Variants in TPD52L1 observed in about 807,000 individuals in gnomAD.
TPD52L1 encodes tumor protein D53.
A neutral mutation model predicts 28.7 loss-of-function variants in TPD52L1; 18 were observed. The observed-to-expected ratio is 0.63, with a 90% CI of 0.43 to 0.93. The LOEUF is 0.93. Ranked by LOEUF, TPD52L1 falls within the 40% of genes least tolerant of loss-of-function variation. The pLI is 0.00. For missense variants in TPD52L1, 203 were observed against 254.8 expected (o/e 0.80, Z 1.39); for synonymous variants, 75 against 88.8 (o/e 0.84, Z 0.88).
intron 6 of TPD52L1, among the ~76,000 whole-genome samples, chr6:125,259,222 CT>C (rs1346561842): frequency 6.6e-6 from 1 of 152,148 alleles, no homozygotes; most frequent in Non-Finnish European, 1.5e-5. Context: ...ACATGCCCTG[CT>C]TTCAATTTGA....
At chr6:125,243,651 G>A (rs1311701928) in intron 3 of TPD52L1, among the ~76,000 whole-genome samples, 1 of 151,690 alleles carries the variant, frequency 6.6e-6, no homozygotes, top group Non-Finnish European at 1.5e-5. Flanking sequence ...AGTTATGATT[G>A]TTTTTTCCTT....
In TPD52L1 at chr6:125,153,944, C is replaced by T. The variant is rs1338221307; in HGVS notation, c.-8C>T. 5.0e-6 allele frequency: 8 copies of T among 1,606,688 alleles called. 1 individual carries two copies. In the Middle Eastern group the frequency reaches 5.0e-4, roughly 100 times the overall value. On this transcript the variant is annotated 5_prime_UTR_variant, in exon 1 of 7. Transcript: ENST00000534000. Reference sequence around the variant, plus strand: ...GTCCCCGCCGCCCTCAGCTCGAAGTCAGCCACCATGGAGGCGCAGGCACAA... The same window carrying T: ...GTCCCCGCCGCCCTCAGCTCGAAGTTAGCCACCATGGAGGCGCAGGCACAA...
At chr6:125,169,036 A>C (rs1387020573) in intron 1 of TPD52L1, among the ~76,000 whole-genome samples, 4 of 149,018 alleles carry the variant, frequency 2.7e-5, no homozygotes, top group East Asian at 2.0e-4. Context: ...CCTGCTTTCC[A>C]CCTCCCTTTC....
At chr6:125,169,005 C>A (rs944983340) in intron 1 of TPD52L1, among the ~76,000 whole-genome samples, 44 of 151,846 alleles carry the variant, frequency 2.9e-4, no homozygotes, top group African/African-American at 1.0e-3. Flanking sequence ...TTCTTTGTGC[C>A]CTCCCCTTCC....
At chr6:125,211,290 TC>T (rs1794485186) in intron 1 of TPD52L1, among the ~76,000 whole-genome samples, 2 of 150,638 alleles carry the variant, frequency 1.3e-5, no homozygotes, top group Admixed American at 1.3e-4. Context: ...TATCTATCTA[TC>T]TATCTATCTA....
At position 125,263,062 on chromosome 6, in the gene TPD52L1, A is replaced by G; in HGVS notation, c.*100A>G. 7.2e-7 allele frequency: 1 copy of G among 1,394,072 alleles called. No individual in the cohort carries two copies. The highest frequency in any genetic ancestry group is 9.4e-7 in the Non-Finnish European group (1 of 1,060,680). The allele number at this position is 1,394,072 out of a possible 1,614,324, so 86.4% of individuals were successfully genotyped here. A position where few individuals can be genotyped will look rare whatever the true frequency, so the allele number is the denominator to read the frequency against. ...GAAGACCAAAATCCCGCTGGGAAAA[A>G]CCCAGGCCTTGACATTGTTATTCAA... On this transcript the variant is annotated 3_prime_UTR_variant, in exon 7 of 7. Transcript: ENST00000534000.
chr6:125,224,022 T>C (rs1329501540), intron 2 of TPD52L1, among the ~76,000 whole-genome samples: 1 of 152,136 alleles, frequency 6.6e-6, no homozygotes, highest in African/African-American at 2.4e-5. Context: ...ATTGGTCTTA[T>C]TACCAGACAC....
intron 5 of TPD52L1, among the ~76,000 whole-genome samples, chr6:125,255,533 G>A (rs963032525): frequency 2.0e-5 from 3 of 152,136 alleles, no homozygotes; most frequent in Non-Finnish European, 4.4e-5. Flanking sequence ...TTGTTAATCT[G>A]TACAGCCTGA....
intron 2 of TPD52L1, among the ~76,000 whole-genome samples, chr6:125,223,349 G>A (rs1795380781): frequency 6.6e-6 from 1 of 152,112 alleles, no homozygotes; most frequent in African/African-American, 2.4e-5. Context: ...TCTTTTGGTA[G>A]GAAACGTAAA....
At position 125,248,250 on chromosome 6, in the gene TPD52L1, A is replaced by G. The variant is rs375410651; in HGVS notation, c.285-32A>G. ...TGAATTGTTTATGGGAGATCATGAT[A>G]TAAAAACCATGTTGTTCTGTTTTAT... is the stretch of plus-strand genomic sequence containing the variant. On this transcript the variant is annotated intron_variant, in intron 3 of 6. Coordinates refer to ENST00000534000, the MANE Select transcript of TPD52L1 (RefSeq NM_003287.4). 7.1e-6 allele frequency: 11 copies of G among 1,549,086 alleles called. No individual in the cohort carries two copies. The African/African-American group carries it at 1.1e-4, about 15-fold the overall frequency.
At chr6:125,157,459 G>T (rs980460997) in intron 1 of TPD52L1, among the ~76,000 whole-genome samples, 4 of 152,198 alleles carry the variant, frequency 2.6e-5, no homozygotes, top group Non-Finnish European at 5.9e-5. Context: ...TGGGATTATG[G>T]GTGGAGCTGT....
intron 4 of TPD52L1, chr6:125,251,951 G>A: frequency 1.3e-6 from 2 of 1,499,988 alleles, no homozygotes; most frequent in South Asian, 2.4e-5. Context: ...ACCAAGGGCA[G>A]TGCAGTGTTT....
chr6:125,203,119 G>A (rs996797940), intron 1 of TPD52L1, among the ~76,000 whole-genome samples: 7 of 152,048 alleles, frequency 4.6e-5, no homozygotes, highest in Non-Finnish European at 1.0e-4. Flanking sequence ...GAGAGTGTTG[G>A]GAAATGAGGG....
intron 1 of TPD52L1, among the ~76,000 whole-genome samples, chr6:125,219,529 C>G (rs1368187089): frequency 6.6e-6 from 1 of 152,190 alleles, no homozygotes; most frequent in East Asian, 1.9e-4. Context: ...GCTGCTTTCC[C>G]ATGCAGTCCC....
chr6:125,252,772 G>A (rs1357083071), intron 4 of TPD52L1: 1 of 152,084 alleles, frequency 6.6e-6, no homozygotes, highest in Admixed American at 6.6e-5. Flanking sequence ...AAGTGTCTAG[G>A]GTAAGACCGT....
At chr6:125,161,073 G>A (rs1206367743) in intron 1 of TPD52L1, among the ~76,000 whole-genome samples, 1 of 152,006 alleles carries the variant, frequency 6.6e-6, no homozygotes, top group Non-Finnish European at 1.5e-5. Flanking sequence ...GGCTGGTCTG[G>A]AACTCCTGAC....
chr6:125,163,582 TAAA>T (rs749871847), intron 1 of TPD52L1, among the ~76,000 whole-genome samples: 2 of 123,300 alleles, frequency 1.6e-5, no homozygotes, highest in African/African-American at 3.0e-5. Context: ...ACACCCTGTC[TAAA>T]AAAAAAAAAA....
intron 1 of TPD52L1, chr6:125,203,588 T>C (rs1793931855): frequency 1.0e-6 from 1 of 982,918 alleles, no homozygotes; most frequent in Non-Finnish European, 1.2e-6. Flanking sequence ...CTGTTGTTTG[T>C]CTGCATGGTT....
chr6:125,225,623 A>G lies in TPD52L1; in HGVS notation c.136-3495A>G, dbSNP rs117690969. ...TTCTAGGGAGTCAAGAAACCAAAGAACTAGACCATTAATTTGCAATGCAGA... is the reference window on the plus strand; with the variant it reads ...TTCTAGGGAGTCAAGAAACCAAAGAGCTAGACCATTAATTTGCAATGCAGA... On this transcript the variant is annotated intron_variant, in intron 2 of 6. Transcript: ENST00000534000. Among the ~76,000 whole-genome samples, 215 of 152,356 alleles carry G rather than the reference A, an allele frequency of 1.4e-3. 2 individuals carry two copies. The East Asian group carries it at 0.022, about 16-fold the overall frequency.
Sources: gnomAD v4.1 joint callset for allele counts (sites outside exome capture counted in the v4.1 genomes callset) on GRCh38, gnomAD v4.1.1 for gene constraint, MANE v1.5 for transcripts, NCBI Gene and HGNC (gene_info 2026-07-23, HGNC 2026-07-21) for gene names.